The following MRPL45 variants were observed in gnomAD, a reference collection of about 807,000 sequenced individuals.
MRPL45 encodes mitochondrial ribosomal protein L45.
Under a neutral mutation model 38.1 loss-of-function variants are expected in MRPL45, and 20 were observed. The observed-to-expected ratio is 0.53, with a 90% CI of 0.37 to 0.76. The LOEUF (loss-of-function observed/expected upper bound fraction) is 0.76. MRPL45 is among the 30% of genes least tolerant of loss of function. The probability of loss-of-function intolerance (pLI) is 0.00; values close to 1 mark genes in which losing one functional copy is unlikely to be tolerated. For synonymous variants in MRPL45, 105 were observed against 128.8 expected (o/e 0.82, Z 1.25); for missense variants, 337 against 395.6 (o/e 0.85, Z 1.26).
At chr17:38,317,559 G>A (rs527296407) in intron 4 of MRPL45, among the ~76,000 whole-genome samples, 23 of 151,954 alleles carry the variant, frequency 1.5e-4, no homozygotes, top group Admixed American at 2.0e-4. Flanking sequence ...TGTCTGTTTT[G>A]TGTTTTTTTT....
intron 6 of MRPL45, among the ~76,000 whole-genome samples, chr17:38,321,669 C>A (rs895564315): frequency 1.3e-5 from 2 of 151,048 alleles, no homozygotes; most frequent in Admixed American, 1.3e-4. Flanking sequence ...CCAGCCTGGG[C>A]AACAGCAAGA....
intron 3 of MRPL45, among the ~76,000 whole-genome samples, 167 bp from the exon 4 acceptor site, chr17:38,306,366 G>T (rs1231735555): frequency 1.3e-5 from 2 of 150,118 alleles, no homozygotes; most frequent in Admixed American, 6.7e-5. Context: ...CCGAGATCAT[G>T]CCACTGCACT....
chr17:38,302,171 C>T (rs546047137), intron 3 of MRPL45, among the ~76,000 whole-genome samples: 1 of 145,058 alleles, frequency 6.9e-6, no homozygotes, highest in East Asian at 2.1e-4. Flanking sequence ...AGAAGACTTG[C>T]CTGAGGAAAT....
chr17:38,310,427 C>T (rs2037100835), intron 4 of MRPL45, among the ~76,000 whole-genome samples: 1 of 151,458 alleles, frequency 6.6e-6, no homozygotes, highest in African/African-American at 2.4e-5. Context: ...CTCCCGGATT[C>T]AAGGAATTCT....
At chr17:38,315,913 C>G (rs141441769) in intron 4 of MRPL45, among the ~76,000 whole-genome samples, 1 of 151,970 alleles carries the variant, frequency 6.6e-6, no homozygotes, top group Non-Finnish European at 1.5e-5. Context: ...GCTGGGATTA[C>G]AGGCACTTGC....
intron 5 of MRPL45, 37 bp from the exon 6 acceptor site, chr17:38,320,572 AAAGGGAGGG>A: frequency 6.2e-7 from 1 of 1,601,514 alleles, no homozygotes; most frequent in Non-Finnish European, 8.5e-7. Flanking sequence ...CAGCTTCCTT[AAAGGGAGGG>A]AAAAATGCAG....
chr17:38,320,731 G>C lies in MRPL45; in HGVS notation c.624G>C (p.Val208=). ...RCSSMMNQGN[V]YGQITVRMHT... ...CAAGTATGATGAACCAGGGCAACGTGTACGGCCAGATCACCGTACGCATGC... is the reference window on the plus strand; with the variant it reads ...CAAGTATGATGAACCAGGGCAACGTCTACGGCCAGATCACCGTACGCATGC... The change falls in exon 6 of 8, where the codon GTG becomes GTC. Residue 208 remains valine (V), a synonymous_variant. Coordinates refer to ENST00000613675, the MANE Select transcript of MRPL45 (RefSeq NM_032351.6). The C allele has an allele frequency of 1.2e-6, 2 of 1,614,152 alleles. No homozygotes were observed. The highest frequency in any genetic ancestry group is 1.7e-6 in the Non-Finnish European group (2 of 1,180,030).
chr17:38,300,803 G>A (rs1329832448), intron 3 of MRPL45, among the ~76,000 whole-genome samples: 2 of 152,042 alleles, frequency 1.3e-5, no homozygotes, highest in Non-Finnish European at 2.9e-5. Flanking sequence ...AAAATTAGCC[G>A]GGCGTGGTGG....
intron 4 of MRPL45, among the ~76,000 whole-genome samples, chr17:38,312,247 T>C (rs1284865953): frequency 6.6e-6 from 1 of 152,046 alleles, no homozygotes; most frequent in Non-Finnish European, 1.5e-5. Flanking sequence ...GGGTTCACCA[T>C]GTTGGCCAGG....
chr17:38,302,266 C>A (rs1001621153), intron 3 of MRPL45, among the ~76,000 whole-genome samples: 5 of 151,738 alleles, frequency 3.3e-5, no homozygotes, highest in African/African-American at 1.2e-4. Flanking sequence ...TGGTGGATCA[C>A]CTGAGAGGTC....
At chr17:38,315,142 T>C (rs950325101) in intron 4 of MRPL45, among the ~76,000 whole-genome samples, 3 of 152,292 alleles carry the variant, frequency 2.0e-5, no homozygotes, top group African/African-American at 7.2e-5. Flanking sequence ...GTAGTTACTT[T>C]TCCTACATAG....
At position 38,297,397 on chromosome 17, in the gene MRPL45, G is replaced by C. The variant is rs1279581017; in HGVS notation, c.66+148G>C. ...AAGAGGCTTAGGTGGACAGGACCTA[G>C]CTGCGGAGCTCAGTGGTCGAATGGG... On this transcript the variant is annotated intron_variant, in intron 1 of 7. Coordinates refer to ENST00000613675, the MANE Select transcript of MRPL45 (RefSeq NM_032351.6). The C allele has an allele frequency of 5.0e-5, 37 of 736,420 alleles. No homozygotes were observed. The Admixed American group carries it at 6.5e-4, about 13-fold the overall frequency. 45.6% of individuals were successfully genotyped at this position (736,420 alleles called of 1,614,324 possible).
Position 38,322,550 on chromosome 17 carries a change from A to G in MRPL45, c.876A>G (p.Glu292=). 6.2e-7 allele frequency: 1 copy of G among 1,613,694 alleles called. No homozygotes were observed. The highest frequency in any genetic ancestry group is 8.5e-7 in the Non-Finnish European group (1 of 1,179,976). Reference sequence around the variant, plus strand: ...GCCCTCAGCTGAAACCAGAAGAAGAATATGAAGAGGCACAAGGAGAGGCCC... The same window carrying G: ...GCCCTCAGCTGAAACCAGAAGAAGAGTATGAAGAGGCACAAGGAGAGGCCC... The part of the protein sequence containing the change: ...IPGPQLKPEE[E]YEEAQGEAQK... Residue 292 remains glutamate (E), a synonymous_variant, in exon 8 of 8, where the codon GAA becomes GAG. Transcript: ENST00000613675.
chr17:38,300,296 G>T (rs1203068078), intron 3 of MRPL45, among the ~76,000 whole-genome samples: 1 of 152,090 alleles, frequency 6.6e-6, no homozygotes, highest in Non-Finnish European at 1.5e-5. Context: ...GATTACAGGC[G>T]TGAGCCACTG....
At chr17:38,302,363 T>TGTA (rs2037005558) in intron 3 of MRPL45, among the ~76,000 whole-genome samples, 1 of 150,766 alleles carries the variant, frequency 6.6e-6, no homozygotes, top group African/African-American at 2.4e-5. Context: ...GGCACATACC[T>TGTA]GTAATCTCAG....
At chr17:38,312,984 G>GTTT (rs71138604) in intron 4 of MRPL45, among the ~76,000 whole-genome samples, 1,613 of 113,664 alleles carry the variant, frequency 0.014, 82 homozygotes, top group South Asian at 0.052. Flanking sequence ...CTTTTTATTG[G>GTTT]TTTTTTTTTT....
At chr17:38,302,177 G>A (rs1389552319) in intron 3 of MRPL45, among the ~76,000 whole-genome samples, 3 of 150,344 alleles carry the variant, frequency 2.0e-5, no homozygotes, top group Admixed American at 6.7e-5. Flanking sequence ...CTTGCCTGAG[G>A]AAATGATATT....
chr17:38,298,183 C>G (rs2036956100), intron 1 of MRPL45, among the ~76,000 whole-genome samples: 1 of 152,196 alleles, frequency 6.6e-6, no homozygotes, highest in Admixed American at 6.5e-5. Context: ...AACTCAGTAT[C>G]CGTAGGAGTT....
chr17:38,313,216 C>T (rs2037131014), intron 4 of MRPL45, among the ~76,000 whole-genome samples: 2 of 148,366 alleles, frequency 1.3e-5, no homozygotes, highest in South Asian at 4.2e-4. Flanking sequence ...ATCTCCTGAC[C>T]TCGTGATCCA....
Sources: gnomAD v4.1 joint callset for allele counts (sites outside exome capture counted in the v4.1 genomes callset) on GRCh38, gnomAD v4.1.1 for gene constraint, MANE v1.5 for transcripts, NCBI Gene and HGNC (gene_info 2026-07-23, HGNC 2026-07-21) for gene names.